Variants in HRK observed in about 807,000 individuals in gnomAD.
HRK encodes the protein activator of apoptosis harakiri.
Under a neutral mutation model 5.9 loss-of-function variants are expected in HRK, and 6 were observed. The ratio of observed to expected loss-of-function variants is 1.02; its 90% CI spans 0.56 to 2.01. HRK has a LOEUF of 2.01. Among genes scored for constraint, HRK ranks in the 30% most tolerant of loss-of-function variants. The pLI is 0.00. For synonymous variants in HRK, 85 were observed against 65.1 expected, an observed-to-expected ratio of 1.31 and a Z score of -1.47; for missense variants, 133 against 128.3, an observed-to-expected ratio of 1.04 and a Z score of -0.18.
At position 116,861,158 on chromosome 12, in the gene HRK, G is replaced by C. The variant is rs1353660362; in HGVS notation, c.*365C>G. 1 of 152,190 alleles carries C rather than the reference G, an allele frequency of 6.6e-6. No homozygotes were observed. The highest frequency in any genetic ancestry group is 1.9e-4 in the East Asian group (1 of 5,200). The allele number at this position is 152,190 out of a possible 1,614,324, so 9.4% of individuals were successfully genotyped here. ...GCCCCAGACATTACAGAATATCAAA[G>C]TTCACATCGCAAGGTGCAGAAAAGG... On this transcript the variant is annotated 3_prime_UTR_variant, in exon 2 of 2. Transcript: ENST00000257572.
rs112503730 is a variant in HRK at position 116,860,117 on chromosome 12, A to ACACCTCGC, written c.*1398_*1405dup. The ACACCTCGC allele has an allele frequency of 0.026, 4,022 of 152,116 alleles. 154 individuals carry two copies. Among genetic ancestry groups the ACACCTCGC allele is most frequent in the East Asian group, 0.13 (659 of 5,170 alleles). 9.4% of individuals were successfully genotyped at this position (152,116 alleles called of 1,614,324 possible). ...AATGACCGTCCGAATCTGCAGCCTG[A>ACACCTCGC]CACCTCGCCACCTCGGCTTTGAAAA... On this transcript the variant is annotated 3_prime_UTR_variant, in exon 2 of 2. Coordinates refer to ENST00000257572, the MANE Select transcript of HRK (RefSeq NM_003806.4).
chr12:116,858,781 G>C lies in HRK; in HGVS notation c.*2742C>G, dbSNP rs1878249941. The C allele has an allele frequency of 6.6e-6, 1 of 151,616 alleles. No homozygotes were observed. Among genetic ancestry groups the C allele is most frequent in the Non-Finnish European group, 1.5e-5 (1 of 67,962 alleles). 9.4% of individuals were successfully genotyped at this position (151,616 alleles called of 1,614,324 possible). A position where few individuals can be genotyped will look rare whatever the true frequency, so the allele number is the denominator to read the frequency against. The stretch of plus-strand genomic sequence containing the variant: ...AGAAAAGTGGGGGAGCGGTGGAGGA[G>C]AGGGAGGGATGTTGCCAGCACTTTG... On this transcript the variant is annotated 3_prime_UTR_variant, in exon 2 of 2. Transcript: ENST00000257572.
chr12:116,881,124 GCGCCGGCGCCCTCCGGCT>G lies in HRK; in HGVS notation c.166_183del (p.Ser56_Ala61del), dbSNP rs1274745157. The stretch of plus-strand genomic sequence containing the variant: ...GGCCAGTAGGTGGGGAGCGCGCCGG[GCGCCGGCGCCCTCCGGCT>G]CCGCGCGCGGCGCCGCCACATGGTG... On this transcript the variant is annotated inframe_deletion, in exon 1 of 2. Transcript: ENST00000257572. The G allele has an allele frequency of 2.5e-6, 3 of 1,218,274 alleles. No individual in the cohort carries two copies. Among genetic ancestry groups the G allele is most frequent in the Non-Finnish European group, 3.1e-6 (3 of 980,232 alleles). 75.5% of individuals were successfully genotyped at this position (1,218,274 alleles called of 1,614,324 possible).
Position 116,866,528 on chromosome 12 carries a change from A to G in HRK, c.*57-5062T>C, listed in dbSNP as rs375267900. On this transcript the variant is annotated intron_variant, in intron 1 of 1. Transcript: ENST00000257572. ...GTCGGCCAGGTAGGAAGCTGAGTGC[A>G]CAGGAGACTGTGGAAAGGAAGCTGA... Among the ~76,000 whole-genome samples, 30 of 152,268 alleles carry G rather than the reference A, an allele frequency of 2.0e-4. No individual in the cohort carries two copies. In the East Asian group the frequency reaches 4.8e-3, roughly 24 times the overall value.
At position 116,874,751 on chromosome 12, in the gene HRK, C is replaced by A. The variant is rs937575431; in HGVS notation, c.*56+6225G>T. Among the ~76,000 whole-genome samples, 4 of 152,288 alleles carry A rather than the reference C, an allele frequency of 2.6e-5. No individual in the cohort carries two copies. The East Asian group carries it at 7.7e-4, about 29-fold the overall frequency. On this transcript the variant is annotated intron_variant, in intron 1 of 1. Transcript: ENST00000257572. ...GAGCTCTCAGTCACTGTGTCAGAAT[C>A]CGGCTGCCATGCTGTGAGGAAGCCC...
rs960731763 is a variant in HRK at position 116,878,572 on chromosome 12, A to G, written c.*56+2404T>C. The G allele has an allele frequency of 2.0e-5, 3 of 152,540 alleles. No homozygotes were observed. Among genetic ancestry groups the G allele is most frequent in the Non-Finnish European group, 4.4e-5 (3 of 68,302 alleles). The allele number at this position is 152,540 out of a possible 1,614,324, so 9.4% of individuals were successfully genotyped here. A position where few individuals can be genotyped will look rare whatever the true frequency, so the allele number is the denominator to read the frequency against. ...GCAGGGAGAGAACTTGATCAGGGCC[A>G]GTGCAGGGAGCCCGAGCACTGAGAA... On this transcript the variant is annotated intron_variant, in intron 1 of 1. Transcript: ENST00000257572. The surrounding 1 kb of genome is among the most constrained non-coding windows in gnomAD (Gnocchi z 4.4).
At position 116,878,205 on chromosome 12, in the gene HRK, C is replaced by T. The variant is rs1334794898; in HGVS notation, c.*56+2771G>A. Among the ~76,000 whole-genome samples, 1 of 152,216 alleles carries T rather than the reference C, an allele frequency of 6.6e-6. No individual in the cohort carries two copies. On this transcript the variant is annotated intron_variant, in intron 1 of 1. Coordinates refer to ENST00000257572, the MANE Select transcript of HRK (RefSeq NM_003806.4). The surrounding 1 kb of genome is among the most constrained non-coding windows in gnomAD (Gnocchi z 4.4). Reference sequence around the variant, plus strand: ...TGCTGGAATTACAGGCGTGAGCCAACCTGCCTGGCCTGTATGTTGAAAATA... The same window carrying T: ...TGCTGGAATTACAGGCGTGAGCCAATCTGCCTGGCCTGTATGTTGAAAATA...
In HRK at chr12:116,881,006, C is replaced by G. The variant is rs1488380449; in HGVS notation, c.*26G>C. Reference sequence around the variant, plus strand: ...GCTCGCTCCGGCTGGGTCTCGGCTCCGGCCCCACCAAGAAGCCCCGCGTTC... The same window carrying G: ...GCTCGCTCCGGCTGGGTCTCGGCTCGGGCCCCACCAAGAAGCCCCGCGTTC... On this transcript the variant is annotated 3_prime_UTR_variant, in exon 1 of 2. Coordinates refer to ENST00000257572, the MANE Select transcript of HRK (RefSeq NM_003806.4). 2 of 1,311,644 alleles carry G rather than the reference C, an allele frequency of 1.5e-6. No homozygotes were observed. Among genetic ancestry groups the G allele is most frequent in the Admixed American group, 3.9e-5 (1 of 25,514 alleles). 81.3% of individuals were successfully genotyped at this position (1,311,644 alleles called of 1,614,324 possible). A position where few individuals can be genotyped will look rare whatever the true frequency, so the allele number is the denominator to read the frequency against.
chr12:116,872,837 G>A lies in HRK; in HGVS notation c.*56+8139C>T, dbSNP rs532869802. 7.6e-5 allele frequency among the ~76,000 whole-genome samples: 11 copies of A among 144,938 alleles called. No individual in the cohort carries two copies. The South Asian group carries it at 1.5e-3, about 20-fold the overall frequency. ...GAGAGAGACAGGAAGAAGGAGGGAC[G>A]GAAGGAAGGAAGGAAGAGAGGGAGG... On this transcript the variant is annotated intron_variant, in intron 1 of 1. Transcript: ENST00000257572.
chr12:116,870,120 T>C (rs1878695723), intron 1 of HRK, among the ~76,000 whole-genome samples: 1 of 152,018 alleles, frequency 6.6e-6, no homozygotes, highest in Non-Finnish European at 1.5e-5. Context: ...ATGGTACCTC[T>C]TCTTGAATCC....
chr12:116,863,206 C>A (rs1878427861), intron 1 of HRK, among the ~76,000 whole-genome samples: 1 of 152,188 alleles, frequency 6.6e-6, no homozygotes, highest in African/African-American at 2.4e-5. Context: ...TTGAAAAAGT[C>A]TGAGATGTTG....
intron 1 of HRK, among the ~76,000 whole-genome samples, chr12:116,874,245 C>G (rs542059260): frequency 2.0e-5 from 3 of 152,324 alleles, no homozygotes; most frequent in African/African-American, 7.2e-5. Context: ...CCAAGCTACA[C>G]TGCTTGTTTT....
intron 1 of HRK, among the ~76,000 whole-genome samples, chr12:116,877,327 A>G (rs988058100): frequency 1.3e-5 from 2 of 151,670 alleles, no homozygotes; most frequent in African/African-American, 4.9e-5. Context: ...AAGAACTGGG[A>G]TTACAGGACT....
intron 1 of HRK, among the ~76,000 whole-genome samples, chr12:116,870,806 A>G (rs1007145462): frequency 6.6e-6 from 1 of 152,176 alleles, no homozygotes; most frequent in African/African-American, 2.4e-5. Context: ...TCAAATAAAT[A>G]AATAAAGGCC....
chr12:116,879,646 G>T lies in HRK; in HGVS notation c.*56+1330C>A, dbSNP rs545294067. 1 of 152,090 alleles carries T rather than the reference G, an allele frequency of 6.6e-6. No homozygotes were observed. The highest frequency in any genetic ancestry group is 1.5e-5 in the Non-Finnish European group (1 of 68,000). 9.4% of individuals were successfully genotyped at this position (152,090 alleles called of 1,614,324 possible). ...CGCCCCGAAGCGCGCATTTCTCTTC[G>T]CCAGCGCCCGGGCTGCGCGGGCCCA... On this transcript the variant is annotated intron_variant, in intron 1 of 1. Transcript: ENST00000257572. This position sits in a 1 kb window ranked among gnomAD's most constrained non-coding sequence, Gnocchi z 5.6.
intron 1 of HRK, among the ~76,000 whole-genome samples, chr12:116,872,865 G>T (rs1878805431): frequency 6.9e-6 from 1 of 145,156 alleles, no homozygotes. Context: ...GAGGGAGGGA[G>T]GGAGGCAGGC....
At chr12:116,870,005 G>A (rs1878689130) in intron 1 of HRK, among the ~76,000 whole-genome samples, 2 of 152,222 alleles carry the variant, frequency 1.3e-5, no homozygotes, top group Admixed American at 6.5e-5. Flanking sequence ...GCTTGAACCC[G>A]GGAGGCAGAG....
chr12:116,870,908 C>G (rs750193366), intron 1 of HRK, among the ~76,000 whole-genome samples: 49 of 152,198 alleles, frequency 3.2e-4, no homozygotes, highest in Middle Eastern at 3.4e-3. Flanking sequence ...TACAAGAATG[C>G]TAACTATGTT....
rs1879151661 is a variant in HRK, at chr12:116,881,345, C to G, written c.-38G>C. The G allele has an allele frequency of 9.4e-7, 1 of 1,058,936 alleles. No homozygotes were observed. Among genetic ancestry groups the G allele is most frequent in the African/African-American group, 1.7e-5 (1 of 58,734 alleles). 65.6% of individuals were successfully genotyped at this position (1,058,936 alleles called of 1,614,324 possible). A position where few individuals can be genotyped will look rare whatever the true frequency, so the allele number is the denominator to read the frequency against. ...CGCTCCCGCCCCGCGCTCGGGCCGC[C>G]CCTCGCCTCCTCTCCCTCCGGCCTC... On this transcript the variant is annotated 5_prime_UTR_variant, in exon 1 of 2. Transcript: ENST00000257572.
Sources: gnomAD v4.1 joint callset for allele counts (sites outside exome capture counted in the v4.1 genomes callset) on GRCh38, gnomAD v4.1.1 for gene constraint, Gnocchi (gnomAD v3.1) non-coding constraint, MANE v1.5 for transcripts, NCBI Gene and HGNC (gene_info 2026-07-23, HGNC 2026-07-21) for gene names.